UQCRC1: variants seen among roughly 807,000 people sequenced by gnomAD.
The protein encoded by UQCRC1 is cytochrome b-c1 complex subunit 1, mitochondrial.
Under a neutral mutation model 58.0 loss-of-function variants are expected in UQCRC1, and 34 were observed. That is an observed-to-expected ratio of 0.59 (90% CI 0.45 to 0.78). The LOEUF (loss-of-function observed/expected upper bound fraction) is 0.78, where lower values mean the gene tolerates loss of function less well. Among genes scored for constraint, UQCRC1 ranks in the 30% least tolerant of loss-of-function variants. The pLI is 0.00. For missense variants in UQCRC1, 610 were observed against 646.0 expected (o/e 0.94, Z 0.60); for synonymous variants, 276 against 248.8 (o/e 1.11, Z -1.03).
Position 48,605,835 on chromosome 3 carries a change from C to G in UQCRC1, c.232G>C (p.Gly78Arg). The G allele has an allele frequency of 1.2e-6, 2 of 1,613,960 alleles. No homozygotes were observed. The highest frequency in any genetic ancestry group is 1.7e-6 in the Non-Finnish European group (2 of 1,179,950). Residue 78 changes from glycine to arginine, a missense_variant, in exon 3 of 13, where the codon GGC (glycine) becomes CGC (arginine). Physicochemically the swap from Gly to Arg is moderately radical, Grantham distance 125. Coordinates refer to ENST00000203407, the MANE Select transcript of UQCRC1 (RefSeq NM_003365.3). ...TCTVGVWIDV[G>R]SRFETEKNNG... is the part of the protein sequence containing the mutation. ...TTCTTCTCAGTCTCAAAACGGCTGC[C>G]AACATCAATCCACACTCCCACCTGG...
intron 6 of UQCRC1, among the ~76,000 whole-genome samples, chr3:48,602,410 G>A (rs1041752365): frequency 1.3e-5 from 2 of 151,776 alleles, no homozygotes; most frequent in African/African-American, 2.4e-5. Context: ...TGACACACAC[G>A]TCAGATTGCT....
intron 6 of UQCRC1, among the ~76,000 whole-genome samples, chr3:48,602,107 G>A (rs1490164628): frequency 6.6e-6 from 1 of 150,462 alleles, no homozygotes; most frequent in Non-Finnish European, 1.5e-5. Flanking sequence ...CTGGAGCACA[G>A]TGGTGCAATC....
In UQCRC1 at chr3:48,603,645, TACAAG is replaced by T; in HGVS notation, c.627-7_627-3del. 1 of 1,613,574 alleles carries T rather than the reference TACAAG, an allele frequency of 6.2e-7. No homozygotes were observed. The highest frequency in any genetic ancestry group is 8.5e-7 in the Non-Finnish European group (1 of 1,179,778). ...GTCAAGTCTGCACGAGACAGCTTCC[TACAAG>T]ACATATGGTCAGTGTGTCAACACCT... On this transcript the variant is annotated splice_region_variant and splice_polypyrimidine_tract_variant and intron_variant, in intron 5 of 12. Coordinates refer to ENST00000203407, the MANE Select transcript of UQCRC1 (RefSeq NM_003365.3).
chr3:48,605,625 G>A, intron 3 of UQCRC1, 145 bp downstream of exon 3: 1 of 778,692 alleles, frequency 1.3e-6, no homozygotes, highest in South Asian at 1.8e-5. Context: ...GAGAGGTTAA[G>A]CTCATGTGGC....
At chr3:48,602,053 CTTT>C (rs35090371) in intron 6 of UQCRC1, among the ~76,000 whole-genome samples, 1 of 140,682 alleles carries the variant, frequency 7.1e-6, no homozygotes, top group African/African-American at 2.6e-5. Context: ...TTGCATTGGC[CTTT>C]TTTTTTTTTT....
chr3:48,609,267 C>T lies in UQCRC1; in HGVS notation c.105G>A (p.Thr35=), dbSNP rs149981544. The change falls in exon 2 of 13, where the codon ACG becomes ACA. Residue 35 remains threonine (T), a synonymous_variant. Transcript: ENST00000203407. ...ACTGGAGCGCCTGAGCGAAGGTTGCCGTACTCCGCAAGGCTGGCGTCCGCA... is the reference window on the plus strand; with the variant it reads ...ACTGGAGCGCCTGAGCGAAGGTTGCTGTACTCCGCAAGGCTGGCGTCCGCA... ...ALLRTPALRS[T]ATFAQALQFV... The T allele has an allele frequency of 5.0e-6, 8 of 1,611,014 alleles. No individual in the cohort carries two copies. Among genetic ancestry groups the T allele is most frequent in the Non-Finnish European group, 6.8e-6 (8 of 1,178,266 alleles).
Position 48,604,759 on chromosome 3 carries a change from T to C in UQCRC1, c.319A>G (p.Ser107Gly). Reference sequence around the variant, plus strand: ...CTCTCCACCTCCTTCTCCAGGGCACTGCCAGGCCGATTCTTTGTTCCCTGG... The same window carrying C: ...CTCTCCACCTCCTTCTCCAGGGCACCGCCAGGCCGATTCTTTGTTCCCTGG... ...AFKGTKNRPG[S>G]ALEKEVESMG... Residue 107 changes from serine (S) to glycine (G), a missense_variant, in exon 4 of 13, where the codon AGT becomes GGT. By Grantham distance (56) the Ser-to-Gly change is moderately conservative (BLOSUM62 0). Coordinates refer to ENST00000203407, the MANE Select transcript of UQCRC1 (RefSeq NM_003365.3). 3 of 1,614,124 alleles carry C rather than the reference T, an allele frequency of 1.9e-6. No individual in the cohort carries two copies. Among genetic ancestry groups the C allele is most frequent in the Non-Finnish European group, 2.5e-6 (3 of 1,180,000 alleles).
In UQCRC1 at chr3:48,607,283, C is replaced by T. The variant is rs375211056; in HGVS notation, c.211-1427G>A. 1.1e-4 allele frequency among the ~76,000 whole-genome samples: 16 copies of T among 152,310 alleles called. No homozygotes were observed. In the East Asian group the frequency reaches 1.9e-3, roughly 18 times the overall value. The stretch of plus-strand genomic sequence containing the variant: ...GTCTCAATCTCCTGACCTTGTGATT[C>T]GCCCGCCTCGGCCTCCCAAAGTGCT... On this transcript the variant is annotated intron_variant, in intron 2 of 12. Coordinates refer to ENST00000203407, the MANE Select transcript of UQCRC1 (RefSeq NM_003365.3).
chr3:48,607,255 A>G (rs1360882489), intron 2 of UQCRC1, among the ~76,000 whole-genome samples: 1 of 152,102 alleles, frequency 6.6e-6, no homozygotes, highest in Non-Finnish European at 1.5e-5. Flanking sequence ...GTTAGCCAGG[A>G]TGGTCTCAAT....
At position 48,605,809 on chromosome 3, in the gene UQCRC1, A is replaced by C; in HGVS notation, c.258T>G (p.Asn86Lys). The C allele has an allele frequency of 6.2e-7, 1 of 1,613,926 alleles. No individual in the cohort carries two copies. Among genetic ancestry groups the C allele is most frequent in the Non-Finnish European group, 8.5e-7 (1 of 1,179,928 alleles). Reference protein sequence around the residue: ...DVGSRFETEKNNGAGYFLEHL... With the variant: ...DVGSRFETEKKNGAGYFLEHL... Reference sequence around the variant, plus strand: ...GCTCCAAAAAGTAGCCTGCCCCATTATTCTTCTCAGTCTCAAAACGGCTGC... The same window carrying C: ...GCTCCAAAAAGTAGCCTGCCCCATTCTTCTTCTCAGTCTCAAAACGGCTGC... The change falls in exon 3 of 13, where the codon AAT (asparagine) becomes AAG (lysine). Residue 86 changes from asparagine (N) to lysine (K), a missense_variant. Asn to Lys is a moderately conservative substitution (Grantham distance 94). Transcript: ENST00000203407.
chr3:48,609,368 C>CA (rs1391929661), intron 1 of UQCRC1, 66 bp from the exon 2 acceptor site: 17 of 1,560,514 alleles, frequency 1.1e-5, no homozygotes, highest in Non-Finnish European at 1.5e-5. Context: ...CCCAGGTCCT[C>CA]AGGAGGACCC....
At chr3:48,605,134 T>C (rs2046399635) in intron 3 of UQCRC1, among the ~76,000 whole-genome samples, 1 of 152,192 alleles carries the variant, frequency 6.6e-6, no homozygotes, top group Admixed American at 6.5e-5. Context: ...AGCCCACACC[T>C]GTGTTCAAGT....
rs770872851 is a variant in UQCRC1, at chr3:48,609,553, G to C, written c.68C>G (p.Ser23Trp). Reference protein sequence around the residue: ...GAQVLLRARRSPALLRTPALR... With the variant: ...GAQVLLRARRWPALLRTPALR... ...CCCGCGCTCTCGCCACCACCTCACC[G>C]AGCGGCGGGCGCGCAATAGCACTTG... The change falls in exon 1 of 13, where the codon TCG (serine) becomes TGG (tryptophan). Residue 23 changes from serine to tryptophan, a missense_variant and splice_region_variant. Transcript: ENST00000203407. The C allele has an allele frequency of 3.8e-6, 6 of 1,562,608 alleles. No individual in the cohort carries two copies. The South Asian group carries it at 6.9e-5, about 18-fold the overall frequency.
In UQCRC1 at chr3:48,599,169, A is replaced by G. The variant is rs772777853; in HGVS notation, c.1402T>C (p.Tyr468His). 1 of 1,609,926 alleles carries G rather than the reference A, an allele frequency of 6.2e-7. No homozygotes were observed. The highest frequency in any genetic ancestry group is 1.1e-5 in the South Asian group (1 of 90,572). ...AACATGCCGCTACGGATCCGGTTGT[A>G]GTCTGGGAGCTGCTCAATGGGGCCT... ...GYGPIEQLPDYNRIRSGMFWL... is the reference protein window; with the variant it reads ...GYGPIEQLPDHNRIRSGMFWL... Residue 468 changes from tyrosine to histidine, a missense_variant, in exon 13 of 13, where the codon TAC becomes CAC. Physicochemically the swap from Tyr to His is moderately conservative, Grantham distance 83 (BLOSUM62 2). Coordinates refer to ENST00000203407, the MANE Select transcript of UQCRC1 (RefSeq NM_003365.3).
Position 48,601,377 on chromosome 3 carries a change from G to T in UQCRC1, c.797C>A (p.Thr266Asn), listed in dbSNP as rs759586451. Residue 266 changes from threonine to asparagine, a missense_variant, in exon 7 of 13, where the codon ACT becomes AAT. Physicochemically the swap from Thr to Asn is moderately conservative, Grantham distance 65. Coordinates refer to ENST00000203407, the MANE Select transcript of UQCRC1 (RefSeq NM_003365.3). ...TYAEDAVPTLTPCRFTGSEIR... is the reference protein window; with the variant it reads ...TYAEDAVPTLNPCRFTGSEIR... ...CTCACTGCCAGTGAAGCGGCATGGA[G>T]TAAGAGTGGGCACAGCGTCCTCTGC... 4.3e-6 allele frequency: 7 copies of T among 1,614,210 alleles called. No individual in the cohort carries two copies. Among genetic ancestry groups the T allele is most frequent in the Non-Finnish European group, 5.9e-6 (7 of 1,180,026 alleles).
rs1262715007 is a variant in UQCRC1 at position 48,609,645 on chromosome 3, G to A, written c.-25C>T. The A allele has an allele frequency of 3.9e-6, 6 of 1,544,552 alleles. No individual in the cohort carries two copies. Among genetic ancestry groups the A allele is most frequent in the Non-Finnish European group, 5.2e-6 (6 of 1,148,620 alleles). On this transcript the variant is annotated 5_prime_UTR_variant, in exon 1 of 13. Transcript: ENST00000203407. ...TCTTCCAGCTGCAGTCGGCCCTGTT[G>A]CGCCGCGCAAGCGTAGACTGGGCGC...
chr3:48,603,029 C>G (rs1462890786), intron 6 of UQCRC1, among the ~76,000 whole-genome samples: 2 of 152,158 alleles, frequency 1.3e-5, no homozygotes, highest in East Asian at 3.8e-4. Context: ...TGACACTGCT[C>G]TTCCCCTGCG....
intron 12 of UQCRC1, 145 bp from the exon 13 acceptor site, chr3:48,599,337 G>C (rs2046340209): frequency 1.0e-6 from 1 of 977,614 alleles, no homozygotes; most frequent in East Asian, 2.6e-5. Context: ...CATTCCCCCA[G>C]GGGTGCTGAG....
intron 2 of UQCRC1, 120 bp downstream of exon 2, chr3:48,609,042 G>C: frequency 7.1e-7 from 1 of 1,405,264 alleles, no homozygotes; most frequent in African/African-American, 1.4e-5. Context: ...GGGGTGAGTG[G>C]TCCTGGGTCC....
Sources: gnomAD v4.1 joint callset for allele counts (sites outside exome capture counted in the v4.1 genomes callset) on GRCh38, gnomAD v4.1.1 for gene constraint, MANE v1.5 for transcripts, NCBI Gene and HGNC (gene_info 2026-07-23, HGNC 2026-07-21) for gene names.